The following RAD21 variants were observed in gnomAD, a reference collection of about 807,000 sequenced individuals.
RAD21 encodes double-strand-break repair protein rad21 homolog.
In RAD21, 18 loss-of-function variants were observed where a neutral mutation model predicts 71.5. The ratio of observed to expected loss-of-function variants is 0.25; its 90% CI spans 0.17 to 0.37. RAD21 has a LOEUF of 0.37. Ranked by LOEUF, RAD21 falls within the 10% of genes least tolerant of loss-of-function variation. RAD21 has a pLI of 1.00. For synonymous variants in RAD21, 248 were observed against 254.0 expected, an observed-to-expected ratio of 0.98 and a Z score of 0.22; for missense variants, 493 against 769.1, an observed-to-expected ratio of 0.64 and a Z score of 4.25.
At position 116,852,594 on chromosome 8, in the gene RAD21, G is replaced by A. The variant is rs1033410740; in HGVS notation, c.1276C>T (p.Pro426Ser). 5.6e-6 allele frequency: 9 copies of A among 1,613,128 alleles called. No individual in the cohort carries two copies. Among genetic ancestry groups the A allele is most frequent in the African/African-American group, 4.0e-5 (3 of 74,758 alleles). ...FLKEFENPEV[P>S]REDQQQQHQQ... is the part of the protein sequence containing the mutation. ...TGCTGCTGTTGCTGGTCCTCTCTAG[G>A]AACCTCTGGATTTTCAAATTCTTTG... The change falls in exon 10 of 14, where the codon CCT (proline) becomes TCT (serine). Residue 426 changes from proline to serine, a missense_variant. Physicochemically the swap from Pro to Ser is moderately conservative, Grantham distance 74. Coordinates refer to ENST00000297338, the MANE Select transcript of RAD21 (RefSeq NM_006265.3).
intron 1 of RAD21, chr8:116,874,023 G>C (rs1355181345): frequency 6.6e-6 from 1 of 152,270 alleles, no homozygotes; most frequent in Non-Finnish European, 1.5e-5. Flanking sequence ...TTTTAAAACG[G>C]GAGGGCAGCA....
chr8:116,856,830 C>T, intron 6 of RAD21, 59 bp from the exon 7 acceptor site: 1 of 1,291,894 alleles, frequency 7.7e-7, no homozygotes, highest in Non-Finnish European at 1.0e-6. Context: ...ACCACAACAG[C>T]CAATCAATGG....
chr8:116,868,501 G>A (rs1485669564), intron 1 of RAD21, among the ~76,000 whole-genome samples: 1 of 152,024 alleles, frequency 6.6e-6, no homozygotes, highest in Non-Finnish European at 1.5e-5. Context: ...CATTTCTCTA[G>A]GACAACTGTC....
At position 116,858,485 on chromosome 8, in the gene RAD21, A is replaced by G. The variant is rs1156553293; in HGVS notation, c.375-27T>C. ...TTTAAAAGAAGGTCAAATACATTTTAGTTTCAAGTCTATGTATAAGAAAAA... is the reference window on the plus strand; with the variant it reads ...TTTAAAAGAAGGTCAAATACATTTTGGTTTCAAGTCTATGTATAAGAAAAA... On this transcript the variant is annotated intron_variant, in intron 4 of 13. Coordinates refer to ENST00000297338, the MANE Select transcript of RAD21 (RefSeq NM_006265.3). 4 of 1,567,172 alleles carry G rather than the reference A, an allele frequency of 2.6e-6. No individual in the cohort carries two copies. The Admixed American group carries it at 6.8e-5, about 27-fold the overall frequency.
Sources: allele counts gnomAD v4.1 joint callset (sites outside exome capture counted in the v4.1 genomes callset), GRCh38; gene constraint gnomAD v4.1.1; transcripts MANE v1.5; gene names NCBI Gene and HGNC (gene_info 2026-07-23, HGNC 2026-07-21).